EPHA6: variants seen among roughly 807,000 people sequenced by gnomAD.
EPHA6 encodes EPH receptor A6, also known as ephrin type-A receptor 6.
EPHA6 carries 50 observed loss-of-function variants against 112.0 expected under a neutral mutation model. The ratio of observed to expected loss-of-function variants is 0.45; its 90% CI spans 0.36 to 0.56. The LOEUF (loss-of-function observed/expected upper bound fraction) is 0.56. Ranked by LOEUF, EPHA6 falls within the 20% of genes least tolerant of loss-of-function variation. The pLI, the probability that EPHA6 is intolerant of heterozygous loss-of-function variation, is 0.00. For synonymous variants in EPHA6, 529 were observed against 490.7 expected (o/e 1.08, Z -1.03); for missense variants, 1,280 against 1,417.4 (o/e 0.90, Z 1.56).
At chr3:97,217,166 C>T (rs1021363869) in intron 3 of EPHA6, among the ~76,000 whole-genome samples, 3 of 152,070 alleles carry the variant, frequency 2.0e-5, no homozygotes, top group Non-Finnish European at 4.4e-5. Context: ...ATCGAGAAGA[C>T]AGATCTGAGA....
chr3:97,327,863 GTATA>G (rs543843107), intron 5 of EPHA6, among the ~76,000 whole-genome samples: 2 of 146,448 alleles, frequency 1.4e-5, no homozygotes. Flanking sequence ...GTATATGTGT[GTATA>G]TATATATGTA....
At chr3:97,365,746 C>T in intron 5 of EPHA6, among the ~76,000 whole-genome samples, 1 of 152,096 alleles carries the variant, frequency 6.6e-6, no homozygotes, top group Non-Finnish European at 1.5e-5. Context: ...TGGACAAAAG[C>T]TCCATCTTTG....
In EPHA6 at chr3:97,644,928, C is replaced by G. The variant is rs923930519; in HGVS notation, c.2784+6846C>G. ...GTAAAAAAGAGGGAATCCTCCCTAACTCATTTTATGAGGCCAGCATCATTC... is the reference window on the plus strand; with the variant it reads ...GTAAAAAAGAGGGAATCCTCCCTAAGTCATTTTATGAGGCCAGCATCATTC... On this transcript the variant is annotated intron_variant, in intron 14 of 17. Transcript: ENST00000389672. Among the ~76,000 whole-genome samples the G allele has an allele frequency of 3.3e-5, 5 of 152,194 alleles. No homozygotes were observed. In the South Asian group the frequency reaches 8.3e-4, roughly 25 times the overall value.
At chr3:97,516,713 A>AT (rs2107606719) in intron 10 of EPHA6, among the ~76,000 whole-genome samples, 1 of 152,248 alleles carries the variant, frequency 6.6e-6, no homozygotes, top group African/African-American at 2.4e-5. Flanking sequence ...ATTTTAAAAT[A>AT]TTTTTTCTGT....
intron 5 of EPHA6, among the ~76,000 whole-genome samples, chr3:97,296,360 G>A (rs1228120217): frequency 1.3e-5 from 2 of 152,212 alleles, no homozygotes; most frequent in African/African-American, 4.8e-5. Flanking sequence ...GATGGGGGCA[G>A]TGCAAGGGAA....
At chr3:97,052,202 G>C (rs1258054667) in intron 3 of EPHA6, among the ~76,000 whole-genome samples, 1 of 151,944 alleles carries the variant, frequency 6.6e-6, no homozygotes, top group Admixed American at 6.6e-5. Flanking sequence ...TGCCACTCAC[G>C]CATATACTCT....
At chr3:97,573,849 G>A (rs2093357224) in intron 11 of EPHA6, among the ~76,000 whole-genome samples, 1 of 151,924 alleles carries the variant, frequency 6.6e-6, no homozygotes, top group Non-Finnish European at 1.5e-5. Flanking sequence ...AATGTTTCCT[G>A]AAGACAAATT....
intron 2 of EPHA6, among the ~76,000 whole-genome samples, chr3:96,954,603 C>A (rs1258810076): frequency 6.6e-6 from 1 of 152,072 alleles, no homozygotes; most frequent in Admixed American, 6.6e-5. Context: ...TAAAGAACAA[C>A]TCCCTCATTC....
chr3:97,517,300 G>A (rs528818064), intron 10 of EPHA6, among the ~76,000 whole-genome samples: 2 of 152,080 alleles, frequency 1.3e-5, no homozygotes, highest in Non-Finnish European at 2.9e-5. Flanking sequence ...TATAGTGTGT[G>A]TCAGTAAGAG....
chr3:97,262,000 T>C (rs2079519094), intron 5 of EPHA6, among the ~76,000 whole-genome samples: 1 of 152,204 alleles, frequency 6.6e-6, no homozygotes, highest in African/African-American at 2.4e-5. Context: ...AGTTCTTAGT[T>C]ATAAAACCCT....
At chr3:97,592,939 C>T (rs2093558471) in intron 12 of EPHA6, among the ~76,000 whole-genome samples, 1 of 152,182 alleles carries the variant, frequency 6.6e-6, no homozygotes, top group Non-Finnish European at 1.5e-5. Context: ...ACTCTGCGCA[C>T]CTAATTCGCA....
intron 3 of EPHA6, among the ~76,000 whole-genome samples, chr3:97,187,676 A>AAG (rs1166940388): frequency 7.9e-5 from 7 of 88,324 alleles, no homozygotes; most frequent in Admixed American, 1.1e-4. Flanking sequence ...AGAAAGAAAG[A>AAG]GAAAGAAAGA....
intron 15 of EPHA6, among the ~76,000 whole-genome samples, chr3:97,721,185 G>T (rs2034511285): frequency 6.6e-6 from 1 of 152,124 alleles, no homozygotes; most frequent in South Asian, 2.1e-4. Flanking sequence ...CCTATAATGT[G>T]ATTCTGAATG....
At chr3:97,395,958 C>T (rs1195025354) in intron 5 of EPHA6, among the ~76,000 whole-genome samples, 2 of 151,612 alleles carry the variant, frequency 1.3e-5, no homozygotes, top group African/African-American at 2.4e-5. Flanking sequence ...TTGGAAGTTA[C>T]AGGAAGACAG....
intron 2 of EPHA6, among the ~76,000 whole-genome samples, chr3:96,915,775 G>A (rs563476068): frequency 2.6e-5 from 4 of 152,132 alleles, no homozygotes; most frequent in African/African-American, 9.6e-5. Context: ...TGTGCTCATT[G>A]TTCCAGGCAT....
rs1463493111 is a variant in EPHA6 at position 97,478,280 on chromosome 3, T to G, written c.2004-1014T>G. 6.6e-5 allele frequency among the ~76,000 whole-genome samples: 10 copies of G among 152,226 alleles called. 1 individual carries two copies. The East Asian group carries it at 1.9e-3, about 29-fold the overall frequency. On this transcript the variant is annotated intron_variant, in intron 8 of 17. Coordinates refer to ENST00000389672, the MANE Select transcript of EPHA6 (RefSeq NM_001080448.3). ...TAGCACATACACATGTGGCAAAGCATTTCATTAAGGCATCAGAAAATATTT... is the reference window on the plus strand; with the variant it reads ...TAGCACATACACATGTGGCAAAGCAGTTCATTAAGGCATCAGAAAATATTT...
chr3:97,406,079 A>G (rs962862118), intron 6 of EPHA6, among the ~76,000 whole-genome samples: 1 of 152,158 alleles, frequency 6.6e-6, no homozygotes, highest in Non-Finnish European at 1.5e-5. Context: ...AATTATATGT[A>G]ATATCCAGTG....
chr3:97,315,771 G>A (rs575255637), intron 5 of EPHA6, among the ~76,000 whole-genome samples: 1 of 151,808 alleles, frequency 6.6e-6, no homozygotes, highest in South Asian at 2.1e-4. Context: ...TGAAATGTTT[G>A]TTATTACCAT....
chr3:97,224,460 AAG>A (rs1453961670), intron 3 of EPHA6, among the ~76,000 whole-genome samples: 2 of 152,222 alleles, frequency 1.3e-5, no homozygotes, highest in African/African-American at 2.4e-5. Context: ...TTAGCTACCA[AAG>A]AAAATAAGTA....
Sources: gnomAD v4.1 joint callset for allele counts (sites outside exome capture counted in the v4.1 genomes callset) on GRCh38, gnomAD v4.1.1 for gene constraint, MANE v1.5 for transcripts, NCBI Gene and HGNC (gene_info 2026-07-23, HGNC 2026-07-21) for gene names.